Variants in SARAF observed in about 807,000 individuals in gnomAD.
SARAF encodes the protein store-operated calcium entry associated regulatory factor, also known as store-operated calcium entry-associated regulatory factor.
Under a neutral mutation model 39.7 loss-of-function variants are expected in SARAF, and 23 were observed. That is an observed-to-expected ratio of 0.58 (90% CI 0.42 to 0.82). SARAF has a LOEUF of 0.82. Among genes scored for constraint, SARAF ranks in the 40% least tolerant of loss-of-function variants. The pLI is 0.00. For synonymous variants in SARAF, 175 were observed against 168.5 expected (o/e 1.04, Z -0.30); for missense variants, 384 against 418.5 (o/e 0.92, Z 0.72).
rs781644299 is a variant in SARAF, at chr8:30,069,729, A to C, written c.613T>G (p.Ser205Ala). 3.1e-6 allele frequency: 5 copies of C among 1,614,200 alleles called. No homozygotes were observed. The highest frequency in any genetic ancestry group is 2.2e-5 in the East Asian group (1 of 44,878). Residue 205 changes from serine to alanine, a missense_variant, in exon 3 of 6, where the codon TCT (serine) becomes GCT (alanine). Physicochemically the swap from Ser to Ala is moderately conservative, Grantham distance 99 (BLOSUM62 1). Coordinates refer to ENST00000256255, the MANE Select transcript of SARAF (RefSeq NM_016127.6). ...SDGQYSPPPYSEYPPFSHRYQ... is the reference protein window; with the variant it reads ...SDGQYSPPPYAEYPPFSHRYQ... Reference sequence around the variant, plus strand: ...CGGTGGGAAAATGGAGGATACTCAGAGTACGGTGGAGGAGAATACTGCCCG... The same window carrying C: ...CGGTGGGAAAATGGAGGATACTCAGCGTACGGTGGAGGAGAATACTGCCCG...
Position 30,066,794 on chromosome 8 carries a change from A to G in SARAF, c.825T>C (p.Tyr275=). 6.2e-7 allele frequency: 1 copy of G among 1,614,160 alleles called. No individual in the cohort carries two copies. The highest frequency in any genetic ancestry group is 8.5e-7 in the Non-Finnish European group (1 of 1,180,010). ...AAGCTTACCTATTGCTGCCAAACAA[A>G]TATCCTAGTATTCCACCAGTTCCCA... ...TGLGTGGILG[Y]LFGSNRAATP... is the part of the protein sequence containing the mutation. Residue 275 remains tyrosine, a synonymous_variant, in exon 4 of 6, where the codon TAT becomes TAC. Coordinates refer to ENST00000256255, the MANE Select transcript of SARAF (RefSeq NM_016127.6).
At position 30,069,963 on chromosome 8, in the gene SARAF, T is replaced by A; in HGVS notation, c.379A>T (p.Arg127Ter). Residue 127 changes from arginine to a stop codon, truncating the protein, a stop_gained, in exon 3 of 6, where the codon AGA becomes TGA. Transcript: ENST00000256255. LOFTEE classifies it high-confidence loss of function. ...YESSEDQYVLRGSCGLEYNLD... is the reference protein window; with the variant it reads ...YESSEDQYVL Reference sequence around the variant, plus strand: ...TTATACTCCAAGCCACAAGAACCTCTTAGTACATACTGGTCTTCAGAGGAC... The same window carrying A: ...TTATACTCCAAGCCACAAGAACCTCATAGTACATACTGGTCTTCAGAGGAC... The A allele has an allele frequency of 1.2e-6, 2 of 1,613,984 alleles. No homozygotes were observed. Among genetic ancestry groups the A allele is most frequent in the Non-Finnish European group, 1.7e-6 (2 of 1,180,014 alleles).
chr8:30,081,720 A>G (rs984787393), intron 1 of SARAF, among the ~76,000 whole-genome samples: 1 of 114,980 alleles, frequency 8.7e-6, no homozygotes, highest in Admixed American at 1.1e-4. Flanking sequence ...AGCAAAAATG[A>G]TGTTGTTTTC....
At position 30,064,549 on chromosome 8, in the gene SARAF, A is replaced by ATTTTTTTTT. The variant is rs1285474401; in HGVS notation, c.995-637_995-636insAAAAAAAAA. ...CTTACCTAGCCATATATATATATAT[A>ATTTTTTTTT]TATATATATATATTTTTTTTTTTTT... On this transcript the variant is annotated intron_variant, in intron 5 of 5. Coordinates refer to ENST00000256255, the MANE Select transcript of SARAF (RefSeq NM_016127.6). Among the ~76,000 whole-genome samples, 19 of 43,824 alleles carry ATTTTTTTTT rather than the reference A, an allele frequency of 4.3e-4. 2 individuals carry two copies. The highest frequency in any genetic ancestry group is 5.8e-4 in the Non-Finnish European group (15 of 26,006). 28.8% of individuals were successfully genotyped at this position (43,824 alleles called of 152,430 possible).
At chr8:30,079,701 C>G (rs1382698688) in intron 1 of SARAF, among the ~76,000 whole-genome samples, 3 of 152,160 alleles carry the variant, frequency 2.0e-5, no homozygotes, top group Non-Finnish European at 4.4e-5. Context: ...AAAATATTAT[C>G]AACCTTGAAA....
In SARAF at chr8:30,069,967, T is replaced by G; in HGVS notation, c.375A>C (p.Val125=). Reference sequence around the variant, plus strand: ...ACTCCAAGCCACAAGAACCTCTTAGTACATACTGGTCTTCAGAGGACTCAT... The same window carrying G: ...ACTCCAAGCCACAAGAACCTCTTAGGACATACTGGTCTTCAGAGGACTCAT... ...EGYESSEDQY[V]LRGSCGLEYN... is the part of the protein sequence containing the mutation. The change falls in exon 3 of 6, where the codon GTA becomes GTC. Residue 125 remains valine (V), a synonymous_variant. Transcript: ENST00000256255. 6.2e-7 allele frequency: 1 copy of G among 1,613,916 alleles called. No homozygotes were observed. Among genetic ancestry groups the G allele is most frequent in the Non-Finnish European group, 8.5e-7 (1 of 1,179,960 alleles).
intron 5 of SARAF, 75 bp from the exon 6 acceptor site, chr8:30,063,988 C>T (rs1260031048): frequency 7.8e-7 from 1 of 1,279,782 alleles, no homozygotes; most frequent in Non-Finnish European, 1.1e-6. Context: ...ACAAGTCATA[C>T]ATGTTTATTG....
intron 5 of SARAF, among the ~76,000 whole-genome samples, chr8:30,064,655 C>A (rs912773074): frequency 4.1e-5 from 6 of 147,834 alleles, no homozygotes; most frequent in African/African-American, 1.3e-4. Context: ...TTCTGCCTCC[C>A]GCGTTCAAGC....
At chr8:30,074,108 G>C (rs1801905931) in intron 1 of SARAF, 53 bp from the exon 2 acceptor site, 2 of 1,573,774 alleles carry the variant, frequency 1.3e-6, no homozygotes, top group Non-Finnish European at 1.7e-6. Flanking sequence ...GTCAGAGAAA[G>C]AAAGGTTCAT....
chr8:30,079,442 A>G (rs1041282336), intron 1 of SARAF, among the ~76,000 whole-genome samples: 1 of 152,242 alleles, frequency 6.6e-6, no homozygotes, highest in African/African-American at 2.4e-5. Context: ...ATATTCAAAT[A>G]AACCATGCTA....
In SARAF at chr8:30,063,766, C is replaced by T. The variant is rs1801608948; in HGVS notation, c.*122G>A. On this transcript the variant is annotated 3_prime_UTR_variant, in exon 6 of 6. Coordinates refer to ENST00000256255, the MANE Select transcript of SARAF (RefSeq NM_016127.6). ...ATACAAAAAGCTACACTGGACATAA[C>T]ACCACAGAACTTTTGAATATCCCCT... 1 of 845,648 alleles carries T rather than the reference C, an allele frequency of 1.2e-6. No individual in the cohort carries two copies. Among genetic ancestry groups the T allele is most frequent in the Non-Finnish European group, 2.0e-6 (1 of 499,606 alleles). The allele number at this position is 845,648 out of a possible 1,614,324, so 52.4% of individuals were successfully genotyped here. A position where few individuals can be genotyped will look rare whatever the true frequency, so the allele number is the denominator to read the frequency against.
Position 30,068,250 on chromosome 8 carries a change from G to A in SARAF, c.701-1332C>T, listed in dbSNP as rs368580355. On this transcript the variant is annotated intron_variant, in intron 3 of 5. Coordinates refer to ENST00000256255, the MANE Select transcript of SARAF (RefSeq NM_016127.6). ...TCCCCCATCACTTGCATTACTACCT[G>A]AGCTCAGCCTCCTGTCAGATCAGCA... 6.2e-4 allele frequency among the ~76,000 whole-genome samples: 94 copies of A among 152,234 alleles called. 2 individuals are homozygous for A. In the South Asian group the frequency reaches 0.019, roughly 31 times the overall value.
intron 2 of SARAF, among the ~76,000 whole-genome samples, chr8:30,072,468 C>CTTTTG (rs1801868572): frequency 1.3e-5 from 2 of 152,130 alleles, no homozygotes; most frequent in East Asian, 3.9e-4. Flanking sequence ...GTTGCTGTTA[C>CTTTTG]TACACTGTTT....
At chr8:30,067,035 C>T in intron 3 of SARAF, 117 bp from the exon 4 acceptor site, 4 of 1,069,986 alleles carry the variant, frequency 3.7e-6, no homozygotes, top group Non-Finnish European at 5.5e-6. Context: ...AATACTCAGG[C>T]ATCAAGTTAT....
intron 3 of SARAF, among the ~76,000 whole-genome samples, chr8:30,069,170 C>T (rs918467240): frequency 5.3e-5 from 6 of 113,778 alleles, no homozygotes; most frequent in East Asian, 2.7e-4. Context: ...GACAGGGTCT[C>T]GCTCTGTCAC....
intron 1 of SARAF, among the ~76,000 whole-genome samples, chr8:30,075,308 A>G (rs956103450): frequency 1.3e-5 from 2 of 151,934 alleles, no homozygotes; most frequent in African/African-American, 4.9e-5. Context: ...CTCAAAAAAA[A>G]AAAAAAAATG....
At chr8:30,075,067 G>A (rs749741320) in intron 1 of SARAF, among the ~76,000 whole-genome samples, 11 of 152,242 alleles carry the variant, frequency 7.2e-5, no homozygotes, top group South Asian at 6.2e-4. Context: ...TTGGGAGGCC[G>A]AGGCACGTGG....
intron 5 of SARAF, among the ~76,000 whole-genome samples, chr8:30,064,562 T>TATATATATATATATATATTTTTTA (rs1182365966): frequency 5.4e-5 from 1 of 18,658 alleles, no homozygotes; most frequent in Admixed American, 7.6e-4. Flanking sequence ...TATATATATA[T>TATATATATATATATATATTTTTTA]TTTTTTTTTT....
chr8:30,075,590 G>A (rs112438922), intron 1 of SARAF, among the ~76,000 whole-genome samples: 20 of 152,258 alleles, frequency 1.3e-4, no homozygotes, highest in African/African-American at 4.3e-4. Flanking sequence ...AGTAAACACA[G>A]GCATGGAGAC....
Sources: gnomAD v4.1 joint callset for allele counts (sites outside exome capture counted in the v4.1 genomes callset) on GRCh38, gnomAD v4.1.1 for gene constraint, MANE v1.5 for transcripts, NCBI Gene and HGNC (gene_info 2026-07-23, HGNC 2026-07-21) for gene names.